PIEZO2: variants seen among roughly 807,000 people sequenced by gnomAD.
PIEZO2 encodes the protein piezo type mechanosensitive ion channel component 2.
In PIEZO2, 172 loss-of-function variants were observed where a neutral mutation model predicts 337.3. The observed-to-expected ratio is 0.51, with a 90% CI of 0.45 to 0.58. The LOEUF (loss-of-function observed/expected upper bound fraction) is 0.58. PIEZO2 is among the 20% of genes least tolerant of loss of function. The probability of loss-of-function intolerance (pLI) is 0.00; values close to 1 mark genes in which losing one functional copy is unlikely to be tolerated. For missense variants in PIEZO2, 3,028 were observed against 3,391.3 expected (o/e 0.89, Z 2.66); for synonymous variants, 1,251 against 1,228.5 (o/e 1.02, Z -0.38).
At chr18:11,091,474 A>G (rs1324771284) in intron 1 of PIEZO2, among the ~76,000 whole-genome samples, 1 of 152,214 alleles carries the variant, frequency 6.6e-6, no homozygotes, top group East Asian at 1.9e-4. Flanking sequence ...GAAAAGCTGT[A>G]AGAATGGTAG....
At chr18:10,997,863 C>T (rs1345774103) in intron 2 of PIEZO2, among the ~76,000 whole-genome samples, 4 of 152,074 alleles carry the variant, frequency 2.6e-5, no homozygotes, top group African/African-American at 9.7e-5. Flanking sequence ...TTGGATAATA[C>T]AGTATTTTAA....
intron 1 of PIEZO2, among the ~76,000 whole-genome samples, chr18:11,133,431 G>A (rs1374303492): frequency 1.3e-5 from 2 of 152,184 alleles, no homozygotes; most frequent in East Asian, 3.9e-4. Flanking sequence ...GTGTCAACTT[G>A]ATTGGATTGA....
rs1156559548 is a variant in PIEZO2, at chr18:10,752,945, G to C, written c.3924-66C>G. The C allele has an allele frequency of 2.0e-6, 3 of 1,482,742 alleles. No homozygotes were observed. The African/African-American group carries it at 4.2e-5, about 21-fold the overall frequency. The allele number at this position is 1,482,742 out of a possible 1,614,324, so 91.8% of individuals were successfully genotyped here. ...AACAAACAAAAGCAAAATCAGGAAA[G>C]TCTTTAACAAGGGAAGAAATTCATG... On this transcript the variant is annotated intron_variant, in intron 27 of 55. Coordinates refer to ENST00000674853, the MANE Select transcript of PIEZO2 (RefSeq NM_001378183.1).
intron 2 of PIEZO2, among the ~76,000 whole-genome samples, chr18:11,044,260 A>G (rs1271828695): frequency 1.3e-5 from 2 of 151,446 alleles, no homozygotes; most frequent in Non-Finnish European, 2.9e-5. Flanking sequence ...TATAACAAAT[A>G]AAGTCTTTTC....
At chr18:11,011,975 T>C (rs984186926) in intron 2 of PIEZO2, among the ~76,000 whole-genome samples, 7 of 152,170 alleles carry the variant, frequency 4.6e-5, no homozygotes, top group African/African-American at 1.7e-4. Flanking sequence ...AGCAAGATCC[T>C]AATTCTAAAA....
At chr18:10,835,922 G>A (rs1349220858) in intron 7 of PIEZO2, among the ~76,000 whole-genome samples, 1 of 152,206 alleles carries the variant, frequency 6.6e-6, no homozygotes, top group East Asian at 1.9e-4. Context: ...TGCAAAGATC[G>A]GATGAAAGTT....
At position 10,696,093 on chromosome 18, in the gene PIEZO2, A is replaced by G. The variant is rs778987498; in HGVS notation, c.7171T>C (p.Leu2391=). ...CCTTACCTCTCAGTCACACCAGGTA[A>G]GATGAAGAACATCCAGAAGTGAATT... ...FGIHFWMFFI[L]PGVTERKFSQ... Residue 2391 remains leucine, a synonymous_variant, in exon 47 of 56, where the codon TTA becomes CTA. Transcript: ENST00000674853. 2 of 1,613,946 alleles carry G rather than the reference A, an allele frequency of 1.2e-6. No homozygotes were observed. The highest frequency in any genetic ancestry group is 1.3e-5 in the African/African-American group (1 of 74,946).
At chr18:10,694,064 TAAC>T (rs936700470) in intron 47 of PIEZO2, among the ~76,000 whole-genome samples, 2 of 152,168 alleles carry the variant, frequency 1.3e-5, no homozygotes, top group Non-Finnish European at 2.9e-5. Context: ...CTCTTCTGGG[TAAC>T]AATCCTTTAT....
rs573173401 is a variant in PIEZO2 at position 10,849,968 on chromosome 18, T to G, written c.917+5385A>C. On this transcript the variant is annotated intron_variant, in intron 7 of 55. Transcript: ENST00000674853. ...CTGCTGGATCAACTTCTGAGTGTGG[T>G]CACTGAGTTTTGCAGTTATTGTTAT... Among the ~76,000 whole-genome samples, 4 of 152,340 alleles carry G rather than the reference T, an allele frequency of 2.6e-5. No individual in the cohort carries two copies. In the East Asian group the frequency reaches 7.7e-4, roughly 29 times the overall value.
chr18:10,950,067 G>A (rs748434690), intron 3 of PIEZO2, among the ~76,000 whole-genome samples: 1 of 152,180 alleles, frequency 6.6e-6, no homozygotes, highest in Non-Finnish European at 1.5e-5. Context: ...ACCAGGTGTT[G>A]AACTCGATTT....
At chr18:11,024,273 C>T (rs1482210297) in intron 2 of PIEZO2, among the ~76,000 whole-genome samples, 3 of 152,010 alleles carry the variant, frequency 2.0e-5, no homozygotes, top group Non-Finnish European at 4.4e-5. Context: ...AGGCCGGGCG[C>T]GGTGGTTCAC....
In PIEZO2 at chr18:11,131,095, T is replaced by C. The variant is rs1339488248; in HGVS notation, c.64+17430A>G. Among the ~76,000 whole-genome samples the C allele has an allele frequency of 1.3e-5, 2 of 152,144 alleles. No individual in the cohort carries two copies. Among genetic ancestry groups the C allele is most frequent in the Non-Finnish European group, 2.9e-5 (2 of 68,028 alleles). The stretch of plus-strand genomic sequence containing the variant: ...TGCCACCTTCTGCAGATAACTACTC[T>C]CCTTTTGAGAGACAGCTCTTGGCTG... On this transcript the variant is annotated intron_variant, in intron 1 of 55. Coordinates refer to ENST00000674853, the MANE Select transcript of PIEZO2 (RefSeq NM_001378183.1). The surrounding 1 kb of genome is among the most constrained non-coding windows in gnomAD (Gnocchi z 5.3).
At chr18:10,949,019 T>C (rs1226597844) in intron 3 of PIEZO2, among the ~76,000 whole-genome samples, 3 of 152,308 alleles carry the variant, frequency 2.0e-5, no homozygotes, top group Non-Finnish European at 1.5e-5. Flanking sequence ...TCCATCTCAA[T>C]GCAAAATTAG....
chr18:10,696,825 C>T lies in PIEZO2; in HGVS notation c.6828-286G>A, dbSNP rs555002856. ...ATAGAATGGTATGATGCCCTGGGAA[C>T]GAGGTGTTGGGTTTGTAGCCTGATT... On this transcript the variant is annotated intron_variant, in intron 45 of 55. Coordinates refer to ENST00000674853, the MANE Select transcript of PIEZO2 (RefSeq NM_001378183.1). Among the ~76,000 whole-genome samples the T allele has an allele frequency of 5.3e-5, 8 of 152,288 alleles. No individual in the cohort carries two copies. In the East Asian group the frequency reaches 5.8e-4, roughly 11 times the overall value.
intron 4 of PIEZO2, among the ~76,000 whole-genome samples, chr18:10,910,428 C>G (rs868556554): frequency 1.3e-5 from 2 of 152,002 alleles, no homozygotes; most frequent in Admixed American, 1.3e-4. Flanking sequence ...ACTAAAAATA[C>G]GAAAATAAGC....
intron 1 of PIEZO2, among the ~76,000 whole-genome samples, chr18:11,120,007 G>C (rs2039988043): frequency 6.6e-6 from 1 of 152,156 alleles, no homozygotes. Flanking sequence ...ATAGTCATAA[G>C]ATAATCAGGA....
chr18:11,138,076 G>A (rs946654028), intron 1 of PIEZO2, among the ~76,000 whole-genome samples: 6 of 152,068 alleles, frequency 3.9e-5, no homozygotes, highest in South Asian at 2.1e-4. Flanking sequence ...AAAACCAATC[G>A]CTATAGGAAA....
chr18:10,992,357 G>T (rs975371962), intron 2 of PIEZO2, among the ~76,000 whole-genome samples: 1 of 152,134 alleles, frequency 6.6e-6, no homozygotes, highest in Non-Finnish European at 1.5e-5. Flanking sequence ...GATTTTTATG[G>T]TTTTAGGTCT....
At chr18:11,065,538 G>C in intron 2 of PIEZO2, among the ~76,000 whole-genome samples, 1 of 152,128 alleles carries the variant, frequency 6.6e-6, no homozygotes, top group East Asian at 1.9e-4. Context: ...ATGCCTTCAG[G>C]TTCTTATAGA....
Sources: gnomAD v4.1 joint callset for allele counts (sites outside exome capture counted in the v4.1 genomes callset) on GRCh38, gnomAD v4.1.1 for gene constraint, Gnocchi (gnomAD v3.1) non-coding constraint, MANE v1.5 for transcripts, NCBI Gene and HGNC (gene_info 2026-07-23, HGNC 2026-07-21) for gene names.